Variants in WWOX observed in about 807,000 individuals in gnomAD.
WWOX encodes WW domain containing oxidoreductase.
Under a neutral mutation model 46.2 loss-of-function variants are expected in WWOX, and 69 were observed. That is an observed-to-expected ratio of 1.49 (90% CI 1.23 to 1.82). The LOEUF (loss-of-function observed/expected upper bound fraction) is 1.82. Among genes scored for constraint, WWOX ranks in the 40% most tolerant of loss-of-function variants. The pLI, the probability that WWOX is intolerant of heterozygous loss-of-function variation, is 0.00. For missense variants in WWOX, 919 were observed against 542.6 expected (o/e 1.69, Z -6.89); for synonymous variants, 359 against 202.6 (o/e 1.77, Z -6.56).
intron 8 of WWOX, among the ~76,000 whole-genome samples, chr16:78,485,504 T>C (rs1597150915): frequency 6.6e-6 from 1 of 152,238 alleles, no homozygotes; most frequent in East Asian, 1.9e-4. Context: ...CTGCGTGATT[T>C]TTCTACTGCA....
intron 8 of WWOX, among the ~76,000 whole-genome samples, chr16:78,971,593 G>T (rs2046471684): frequency 6.6e-6 from 1 of 151,980 alleles, no homozygotes; most frequent in African/African-American, 2.4e-5. Context: ...CTTCCCAGAA[G>T]AGCATAAGAA....
intron 8 of WWOX, among the ~76,000 whole-genome samples, chr16:78,681,315 G>A (rs921401742): frequency 5.3e-5 from 8 of 152,154 alleles, no homozygotes; most frequent in Admixed American, 5.2e-4. Flanking sequence ...TGAGGTGGGA[G>A]GATGGCTTGA....
At chr16:78,998,037 T>G (rs1432963035) in intron 8 of WWOX, among the ~76,000 whole-genome samples, 1 of 152,162 alleles carries the variant, frequency 6.6e-6, no homozygotes, top group East Asian at 1.9e-4. Flanking sequence ...CCACCATACC[T>G]AGCTAATTTT....
rs535828087 is a variant in WWOX at position 78,531,016 on chromosome 16, A to G, written c.1056+98264A>G. ...TGGAATTGGAATTTCAAAGCAATCT[A>G]TGGTCTTTATCACTTCTCCATTAAC... is the stretch of plus-strand genomic sequence containing the variant. On this transcript the variant is annotated intron_variant, in intron 8 of 8. Coordinates refer to ENST00000566780, the MANE Select transcript of WWOX (RefSeq NM_016373.4). Among the ~76,000 whole-genome samples, 6 of 152,338 alleles carry G rather than the reference A, an allele frequency of 3.9e-5. No individual in the cohort carries two copies. The South Asian group carries it at 6.2e-4, about 16-fold the overall frequency.
chr16:78,587,434 T>G (rs557330345), intron 8 of WWOX, among the ~76,000 whole-genome samples: 1 of 152,104 alleles, frequency 6.6e-6, no homozygotes, highest in South Asian at 2.1e-4. Context: ...TCAGCAACTC[T>G]CTTACAGATT....
intron 8 of WWOX, among the ~76,000 whole-genome samples, chr16:79,033,678 A>G (rs910545540): frequency 6.6e-6 from 1 of 152,184 alleles, no homozygotes. Context: ...TCATCGTGCA[A>G]AACTGAAACG....
At chr16:79,066,441 C>T (rs1322465163) in intron 8 of WWOX, among the ~76,000 whole-genome samples, 2 of 151,856 alleles carry the variant, frequency 1.3e-5, no homozygotes, top group Non-Finnish European at 2.9e-5. Context: ...CAATTAGGCT[C>T]ACAGTTGAGC....
At chr16:78,261,788 C>CTAGAGA (rs1491587303) in intron 5 of WWOX, among the ~76,000 whole-genome samples, 8 of 73,746 alleles carry the variant, frequency 1.1e-4, no homozygotes, top group African/African-American at 4.0e-4. Flanking sequence ...ATCTATCTAT[C>CTAGAGA]TATATATATA....
chr16:79,078,412 G>C (rs924851597), intron 8 of WWOX, among the ~76,000 whole-genome samples: 1 of 152,176 alleles, frequency 6.6e-6, no homozygotes, highest in Non-Finnish European at 1.5e-5. Context: ...GGCTCGGGAA[G>C]GAGAAAGTGT....
intron 8 of WWOX, among the ~76,000 whole-genome samples, chr16:78,516,888 A>C (rs1257392642): frequency 1.3e-5 from 2 of 152,230 alleles, no homozygotes; most frequent in African/African-American, 4.8e-5. Context: ...GAACTGTAAG[A>C]AAAAGATCAA....
chr16:78,866,193 C>T (rs970384150), intron 8 of WWOX, among the ~76,000 whole-genome samples: 7 of 152,026 alleles, frequency 4.6e-5, no homozygotes, highest in African/African-American at 1.4e-4. Flanking sequence ...ATGAAAACAC[C>T]GAAGAATCCT....
rs71979088 is a variant in WWOX, at chr16:78,900,847, G to GA, written c.1057-310747dup. On this transcript the variant is annotated intron_variant, in intron 8 of 8. Transcript: ENST00000566780. ...GTACTTTTAATCAGAGCCTTTTTTT[G>GA]AAAAAAAAAAAAAAGAAAAAGATAG... Among the ~76,000 whole-genome samples, 124 of 140,630 alleles carry GA rather than the reference G, an allele frequency of 8.8e-4. 1 individual carries two copies. Among genetic ancestry groups the GA allele is most frequent in the South Asian group, 3.9e-3 (17 of 4,378 alleles). 92.3% of individuals were successfully genotyped at this position (140,630 alleles called of 152,430 possible). A position where few individuals can be genotyped will look rare whatever the true frequency, so the allele number is the denominator to read the frequency against.
chr16:78,606,839 G>C (rs1007997093), intron 8 of WWOX, among the ~76,000 whole-genome samples: 2 of 151,206 alleles, frequency 1.3e-5, no homozygotes, highest in African/African-American at 4.9e-5. Flanking sequence ...GAATTAGCCT[G>C]TGTTGAATGT....
chr16:78,196,269 C>T (rs1044171770), intron 5 of WWOX, among the ~76,000 whole-genome samples: 7 of 152,182 alleles, frequency 4.6e-5, no homozygotes, highest in African/African-American at 1.4e-4. Context: ...AGCCTAGCTT[C>T]TGGTAAATAC....
At chr16:79,024,186 T>A (rs1033776009) in intron 8 of WWOX, among the ~76,000 whole-genome samples, 1 of 152,180 alleles carries the variant, frequency 6.6e-6, no homozygotes, top group Non-Finnish European at 1.5e-5. Context: ...GTGTTGATGG[T>A]TGTACAACCT....
chr16:78,551,075 TATC>T (rs1248089523), intron 8 of WWOX: 2 of 152,086 alleles, frequency 1.3e-5, no homozygotes, highest in Non-Finnish European at 2.9e-5. Flanking sequence ...ATGAAACAAA[TATC>T]ATGAATATAT....
At chr16:78,825,829 G>A (rs2051637869) in intron 8 of WWOX, 1 of 605,202 alleles carries the variant, frequency 1.7e-6, no homozygotes, top group African/African-American at 1.8e-5. Context: ...TGGGCATCAA[G>A]GTGAAGGTCA....
chr16:78,961,818 A>G (rs2046276344), intron 8 of WWOX, among the ~76,000 whole-genome samples: 2 of 152,164 alleles, frequency 1.3e-5, no homozygotes, highest in East Asian at 1.9e-4. Flanking sequence ...CTGAATCTTA[A>G]TGCATCTCTA....
chr16:79,176,237 C>A (rs1000474181), intron 8 of WWOX, among the ~76,000 whole-genome samples: 1 of 152,196 alleles, frequency 6.6e-6, no homozygotes, highest in Non-Finnish European at 1.5e-5. Flanking sequence ...GTAGTCCTGG[C>A]CAATGGCAGC....
Sources: gnomAD v4.1 joint callset for allele counts (sites outside exome capture counted in the v4.1 genomes callset) on GRCh38, gnomAD v4.1.1 for gene constraint, MANE v1.5 for transcripts, NCBI Gene and HGNC (gene_info 2026-07-23, HGNC 2026-07-21) for gene names.